The following LIMK2 variants were observed in gnomAD, a reference collection of about 807,000 sequenced individuals.
The protein encoded by LIMK2 is LIM domain kinase 2.
In LIMK2, 35 loss-of-function variants were observed where a neutral mutation model predicts 75.7. The observed-to-expected ratio is 0.46, with a 90% CI of 0.35 to 0.61. The LOEUF is 0.61. LIMK2 is among the 20% of genes least tolerant of loss of function. The pLI is 0.00. For missense variants in LIMK2, 623 were observed against 831.0 expected (o/e 0.75, Z 3.08); for synonymous variants, 301 against 319.2 (o/e 0.94, Z 0.61).
intron 11 of LIMK2, 49 bp downstream of exon 11, chr22:31,268,249 G>A (rs759666874): frequency 9.9e-5 from 146 of 1,480,424 alleles, no homozygotes; most frequent in Non-Finnish European, 1.2e-4. Flanking sequence ...AGGGAGAGGT[G>A]TGAGAATTGT....
chr22:31,275,346 C>G (rs763342481), intron 15 of LIMK2, 38 bp downstream of exon 15: 25 of 1,610,982 alleles, frequency 1.6e-5, no homozygotes, highest in African/African-American at 1.3e-5. Context: ...TCACAGGGTC[C>G]TGGGACGTTT....
intron 1 of LIMK2, among the ~76,000 whole-genome samples, chr22:31,224,754 A>T (rs2048464377): frequency 6.6e-6 from 1 of 152,242 alleles, no homozygotes; most frequent in Admixed American, 6.5e-5. Context: ...AATCAACAAC[A>T]TGAAAGAGCA....
rs772247081 is a variant in LIMK2, at chr22:31,262,803, C to T, written c.854+12C>T. 5 of 1,574,098 alleles carry T rather than the reference C, an allele frequency of 3.2e-6. No individual in the cohort carries two copies. Among genetic ancestry groups the T allele is most frequent in the Non-Finnish European group, 3.5e-6 (4 of 1,157,274 alleles). On this transcript the variant is annotated intron_variant, in intron 7 of 15. Coordinates refer to ENST00000331728, the MANE Select transcript of LIMK2 (RefSeq NM_005569.4). The surrounding 1 kb of genome is among the most constrained non-coding windows in gnomAD (Gnocchi z 5.0). ...AGACGTTCCCTAAGGTGCCACCTCC[C>T]ACCCTGGCTCTGTTCTGTCCTATGT... is the stretch of plus-strand genomic sequence containing the variant.
At chr22:31,232,949 G>A (rs1456193028) in intron 2 of LIMK2, among the ~76,000 whole-genome samples, 1 of 152,184 alleles carries the variant, frequency 6.6e-6, no homozygotes, top group African/African-American at 2.4e-5. Flanking sequence ...ATGTCATGGA[G>A]CATTCCTAAC....
chr22:31,212,345 AG>A lies in LIMK2; in HGVS notation c.-61del. On this transcript the variant is annotated 5_prime_UTR_variant, in exon 1 of 16. Coordinates refer to ENST00000331728, the MANE Select transcript of LIMK2 (RefSeq NM_005569.4). ...GGCGGCAGGAGCTGAGGGGAGTTGT[AG>A]GGAACTGAGGGGAGCTGCTGTGTCC... The A allele has an allele frequency of 6.8e-6, 9 of 1,315,858 alleles. No individual in the cohort carries two copies. The highest frequency in any genetic ancestry group is 8.8e-6 in the Non-Finnish European group (9 of 1,022,996). 81.5% of individuals were successfully genotyped at this position (1,315,858 alleles called of 1,614,324 possible). A position where few individuals can be genotyped will look rare whatever the true frequency, so the allele number is the denominator to read the frequency against.
intron 7 of LIMK2, among the ~76,000 whole-genome samples, chr22:31,265,193 A>G (rs1451259429): frequency 3.9e-5 from 5 of 128,262 alleles, no homozygotes; most frequent in Non-Finnish European, 6.7e-5. Context: ...GACTCCATCA[A>G]AAAAAAAAAA....
chr22:31,253,510 G>C (rs2015977680), intron 2 of LIMK2, among the ~76,000 whole-genome samples: 1 of 152,202 alleles, frequency 6.6e-6, no homozygotes, highest in South Asian at 2.1e-4. Flanking sequence ...CAGTACTTGG[G>C]CTAAAGGAGA....
chr22:31,234,013 G>GTTTGT (rs937599179), intron 2 of LIMK2, among the ~76,000 whole-genome samples: 1 of 151,930 alleles, frequency 6.6e-6, no homozygotes, highest in Non-Finnish European at 1.5e-5. Flanking sequence ...GATTTTTGTT[G>GTTTGT]TTTGTTTTGT....
intron 2 of LIMK2, among the ~76,000 whole-genome samples, chr22:31,234,117 A>G (rs539776906): frequency 2.0e-5 from 3 of 151,974 alleles, no homozygotes; most frequent in Non-Finnish European, 2.9e-5. Flanking sequence ...GGTTTAAGCA[A>G]TTCTCCTGCC....
At chr22:31,219,265 A>C (rs1489599489) in intron 1 of LIMK2, among the ~76,000 whole-genome samples, 1 of 151,974 alleles carries the variant, frequency 6.6e-6, no homozygotes, top group Non-Finnish European at 1.5e-5. Context: ...CAGTGGATTC[A>C]CATTTGTTTG....
In LIMK2 at chr22:31,267,050, C is replaced by G; in HGVS notation, c.1108C>G (p.Gln370Glu). 1 of 1,607,644 alleles carries G rather than the reference C, an allele frequency of 6.2e-7. No homozygotes were observed. Among genetic ancestry groups the G allele is most frequent in the South Asian group, 1.1e-5 (1 of 90,010 alleles). Reference protein sequence around the residue: ...KELIRCDEETQKTFLTEVKVM... With the variant: ...KELIRCDEETEKTFLTEVKVM... The stretch of plus-strand genomic sequence containing the variant: ...GTTAATTCGATGTGATGAGGAGACC[C>G]AGAAAACTTTTCTGACTGAGGTAAG... The change falls in exon 9 of 16, where the codon CAG becomes GAG. Residue 370 changes from glutamine (Q) to glutamate (E), a missense_variant. Gln to Glu is a conservative substitution (Grantham distance 29). Around this residue, in one of 3 missense-constraint regions of LIMK2, gnomAD observed 514 missense variants for 661.3 expected, o/e 0.78. Coordinates refer to ENST00000331728, the MANE Select transcript of LIMK2 (RefSeq NM_005569.4).
chr22:31,261,145 GT>G (rs1473505574), intron 5 of LIMK2, among the ~76,000 whole-genome samples: 1 of 151,998 alleles, frequency 6.6e-6, no homozygotes, highest in Non-Finnish European at 1.5e-5. Context: ...GCAAGACCCC[GT>G]CTCTGTTTTT....
intron 2 of LIMK2, among the ~76,000 whole-genome samples, chr22:31,235,050 AAGT>A (rs1481185706): frequency 6.6e-6 from 1 of 152,156 alleles, no homozygotes; most frequent in Non-Finnish European, 1.5e-5. Context: ...TTTTTTAAAA[AAGT>A]AGTTTTAATC....
At position 31,271,151 on chromosome 22, in the gene LIMK2, A is replaced by G. The variant is rs753347553; in HGVS notation, c.1333A>G (p.Met445Val). The change falls in exon 12 of 16, where the codon ATG becomes GTG. Residue 445 changes from methionine (M) to valine (V), a missense_variant. By Grantham distance (21) the Met-to-Val change is conservative (BLOSUM62 1). Coordinates refer to ENST00000331728, the MANE Select transcript of LIMK2 (RefSeq NM_005569.4). ...IASGMAYLHS[M>V]CIIHRDLNSH... The stretch of plus-strand genomic sequence containing the variant: ...TCTGTTCCAGGCCTATTTGCACTCT[A>G]TGTGCATCATCCACCGGGATCTGAA... The G allele has an allele frequency of 5.6e-6, 9 of 1,613,756 alleles. No individual in the cohort carries two copies. Among genetic ancestry groups the G allele is most frequent in the African/African-American group, 2.7e-5 (2 of 74,826 alleles).
intron 2 of LIMK2, among the ~76,000 whole-genome samples, chr22:31,241,357 CT>C (rs1163963694): frequency 6.6e-6 from 1 of 152,212 alleles, no homozygotes; most frequent in Non-Finnish European, 1.5e-5. Context: ...AAACAGCAAC[CT>C]TCTCTGTGAA....
intron 2 of LIMK2, among the ~76,000 whole-genome samples, chr22:31,253,303 A>G (rs2048744152): frequency 6.6e-6 from 1 of 152,222 alleles, no homozygotes; most frequent in Non-Finnish European, 1.5e-5. Context: ...CCAAAAATTG[A>G]AAGGTAGAAA....
rs768828867 is a variant in LIMK2, at chr22:31,272,593, G to T, written c.1447G>T (p.Ala483Ser). 8 of 1,613,886 alleles carry T rather than the reference G, an allele frequency of 5.0e-6. No individual in the cohort carries two copies. Among genetic ancestry groups the T allele is most frequent in the Non-Finnish European group, 2.5e-6 (3 of 1,179,942 alleles). Reference protein sequence around the residue: ...SRLIVEERKRAPMEKATTKKR... With the variant: ...SRLIVEERKRSPMEKATTKKR... The stretch of plus-strand genomic sequence containing the variant: ...GCTCATAGTGGAAGAGAGGAAAAGG[G>T]CCCCCATGGAGAAGGCCACCACCAA... Residue 483 changes from alanine to serine, a missense_variant, in exon 13 of 16, where the codon GCC (alanine) becomes TCC (serine). This residue lies in a region of LIMK2 where 514 missense variants were observed against 661.3 expected (regional missense o/e 0.78). Transcript: ENST00000331728.
At chr22:31,248,456 C>A in intron 2 of LIMK2, 1 of 1,483,946 alleles carries the variant, frequency 6.7e-7, no homozygotes, top group Non-Finnish European at 9.0e-7. Context: ...TTCTCGGAGT[C>A]CAGAGGGGCC....
At chr22:31,249,776 C>CA (rs1334419248) in intron 2 of LIMK2, among the ~76,000 whole-genome samples, 1 of 152,030 alleles carries the variant, frequency 6.6e-6, no homozygotes, top group Non-Finnish European at 1.5e-5. Context: ...AGCAGTGCAC[C>CA]ATGTGGTTTT....
Sources: gnomAD v4.1 joint callset for allele counts (sites outside exome capture counted in the v4.1 genomes callset) on GRCh38, gnomAD v4.1.1 for gene constraint, gnomAD v4.1.1 regional missense constraint, Gnocchi (gnomAD v3.1) non-coding constraint, MANE v1.5 for transcripts, NCBI Gene and HGNC (gene_info 2026-07-23, HGNC 2026-07-21) for gene names.